The following THTPA variants were observed in gnomAD, a reference collection of about 807,000 sequenced individuals.
The protein encoded by THTPA is thiamine triphosphatase, also known as thiamine-triphosphatase.
THTPA carries 16 observed loss-of-function variants against 16.5 expected under a neutral mutation model. That is an observed-to-expected ratio of 0.97 (90% CI 0.66 to 1.47). The LOEUF is 1.47. THTPA is among the 40% of genes most tolerant of loss of function. The probability of loss-of-function intolerance (pLI) is 0.00; values close to 1 mark genes in which losing one functional copy is unlikely to be tolerated. For synonymous variants in THTPA, 110 were observed against 115.5 expected, an observed-to-expected ratio of 0.95 and a Z score of 0.30; for missense variants, 281 against 280.9, an observed-to-expected ratio of 1.00 and a Z score of 0.00.
rs554619060 is a variant in THTPA at position 23,559,692 on chromosome 14, G to A, written c.*852G>A. The A allele has an allele frequency of 3.2e-4, 494 of 1,559,798 alleles. 3 individuals are homozygous for A. In the African/African-American group the frequency reaches 5.8e-3, roughly 18 times the overall value. ...AGCCCTCAGGTGTAGGTTCGAAGCT[G>A]CTGGGGCCCCCTGGGGTTTGGGACA... On this transcript the variant is annotated 3_prime_UTR_variant, in exon 2 of 2. Transcript: ENST00000288014.
the THTPA span, chr14:23,526,926 G>A: frequency 6.5e-7 from 1 of 1,533,776 alleles, no homozygotes; most frequent in African/African-American, 1.4e-5. Flanking sequence ...GGCTTAATGT[G>A]GGTGCAGACA....
chr14:23,521,784 G>C, the THTPA span: 10 of 1,128,008 alleles, frequency 8.9e-6, no homozygotes, highest in Admixed American at 5.9e-5. Context: ...ATTGGGAGGA[G>C]GCAGGACTCT....
At chr14:23,535,186 G>A in the THTPA span, 1 of 1,531,924 alleles carries the variant, frequency 6.5e-7, no homozygotes, top group Non-Finnish European at 8.7e-7. The surrounding 1 kb of genome is among the most constrained non-coding windows in gnomAD (Gnocchi z 4.5). Context: ...GTTCTCAGAG[G>A]TGGAGGAGGC....
chr14:23,522,869 G>A, the THTPA span: 1 of 1,518,388 alleles, frequency 6.6e-7, no homozygotes, highest in South Asian at 1.2e-5. Flanking sequence ...GCCTGGGCCA[G>A]CAGTCTGGAC....
the THTPA span, among the ~76,000 whole-genome samples, chr14:23,514,956 T>C: frequency 6.6e-6 from 1 of 152,190 alleles, no homozygotes; most frequent in East Asian, 1.9e-4. Context: ...ATTTAGATGG[T>C]ACCATATTGA....
chr14:23,539,742 C>T, the THTPA span, among the ~76,000 whole-genome samples: 1 of 152,170 alleles, frequency 6.6e-6, no homozygotes, highest in African/African-American at 2.4e-5. Context: ...ACAGCCCCCT[C>T]CCACCTCTGG....
chr14:23,528,801 G>C, the THTPA span: 4 of 985,296 alleles, frequency 4.1e-6, no homozygotes, highest in Admixed American at 6.1e-5. Flanking sequence ...CACACTTCCA[G>C]AGGGGTGAGG....
the THTPA span, chr14:23,521,409 C>G: frequency 6.5e-6 from 1 of 152,882 alleles, no homozygotes; most frequent in Admixed American, 6.5e-5. Flanking sequence ...GTGTGGTGCT[C>G]TAGACAAAGG....
chr14:23,549,324 T>C, the THTPA span, among the ~76,000 whole-genome samples: 2 of 152,270 alleles, frequency 1.3e-5, no homozygotes, highest in African/African-American at 2.4e-5. Flanking sequence ...CACCCCTTTC[T>C]TTCTTTAATT....
chr14:23,521,563 T>C, the THTPA span: 49 of 169,842 alleles, frequency 2.9e-4, no homozygotes, highest in African/African-American at 1.1e-3. Context: ...ATAACGTGTG[T>C]GTGTGCATGT....
At chr14:23,539,585 A>C in the THTPA span, among the ~76,000 whole-genome samples, 1 of 152,182 alleles carries the variant, frequency 6.6e-6, no homozygotes, top group Non-Finnish European at 1.5e-5. Flanking sequence ...AGGAAGGACC[A>C]AAAAATTGAA....
At chr14:23,557,382 G>A in intron 1 of THTPA, 78 bp downstream of exon 1, 7 of 1,415,534 alleles carry the variant, frequency 4.9e-6, no homozygotes, top group Non-Finnish European at 5.5e-6. Context: ...ACCATGCAGT[G>A]GGGGAGGGCC....
In THTPA at chr14:23,556,982, C is replaced by T. The variant is rs1882452846; in HGVS notation, c.225C>T (p.Pro75=). Reference sequence around the variant, plus strand: ...CTGGAGCAGCAGGTGTCTTAGGACCCCACACGGAGTATAAGGAACTCACAG... The same window carrying T: ...CTGGAGCAGCAGGTGTCTTAGGACCTCACACGGAGTATAAGGAACTCACAG... The part of the protein sequence containing the change: ...KCPGAAGVLG[P]HTEYKELTAE... Residue 75 remains proline (P), a synonymous_variant, in exon 1 of 2, where the codon CCC becomes CCT. Transcript: ENST00000288014. The T allele has an allele frequency of 6.2e-7, 1 of 1,614,016 alleles. No homozygotes were observed. The highest frequency in any genetic ancestry group is 8.5e-7 in the Non-Finnish European group (1 of 1,180,030).
chr14:23,523,964 T>G, the THTPA span: 4 of 1,533,872 alleles, frequency 2.6e-6, no homozygotes, highest in Non-Finnish European at 2.6e-6. The surrounding 1 kb of genome is among the most constrained non-coding windows in gnomAD (Gnocchi z 4.1). Flanking sequence ...TAGAGGTGGC[T>G]CTGGTGTTGG....
chr14:23,533,689 T>A, the THTPA span: 3 of 1,539,064 alleles, frequency 1.9e-6, no homozygotes, highest in Non-Finnish European at 2.6e-6. The surrounding 1 kb of genome is among the most constrained non-coding windows in gnomAD (Gnocchi z 4.8). Context: ...TGGACTTCCC[T>A]GCCCACCAGG....
At position 23,557,116 on chromosome 14, in the gene THTPA, G is replaced by A. The variant is rs1555350553; in HGVS notation, c.359G>A (p.Ser120Asn). The change falls in exon 1 of 2, where the codon AGT becomes AAT. Residue 120 changes from serine to asparagine, a missense_variant. Coordinates refer to ENST00000288014, the MANE Select transcript of THTPA (RefSeq NM_024328.6). ...LGPLGLQEVA[S>N]FVTKRSAWKL... ...CCACTGGGGCTGCAGGAAGTAGCTA[G>A]TTTTGTGACTAAGCGGAGTGCCTGG... 5.0e-6 allele frequency: 8 copies of A among 1,614,232 alleles called. No homozygotes were observed. Among genetic ancestry groups the A allele is most frequent in the Non-Finnish European group, 6.8e-6 (8 of 1,180,044 alleles).
At chr14:23,541,978 G>C in the THTPA span, among the ~76,000 whole-genome samples, 1 of 152,176 alleles carries the variant, frequency 6.6e-6, no homozygotes, top group African/African-American at 2.4e-5. Flanking sequence ...CCAAAAGAGA[G>C]AGAAAGAACG....
the THTPA span, chr14:23,523,424 T>C: frequency 6.5e-7 from 1 of 1,532,848 alleles, no homozygotes; most frequent in Non-Finnish European, 8.7e-7. The surrounding 1 kb of genome is among the most constrained non-coding windows in gnomAD (Gnocchi z 4.1). Flanking sequence ...CTCCTTGAGC[T>C]TGGCCAGGTG....
At chr14:23,531,849 C>T in the THTPA span, 5 of 1,180,564 alleles carry the variant, frequency 4.2e-6, no homozygotes, top group Non-Finnish European at 5.3e-6. Context: ...ATGATCTCTA[C>T]TCACTGAAGC....
Sources: gnomAD v4.1 joint callset for allele counts (sites outside exome capture counted in the v4.1 genomes callset) on GRCh38, gnomAD v4.1.1 for gene constraint, Gnocchi (gnomAD v3.1) non-coding constraint, MANE v1.5 for transcripts, NCBI Gene and HGNC (gene_info 2026-07-23, HGNC 2026-07-21) for gene names.